Variants in VPS13D observed in about 807,000 individuals in gnomAD.
The protein encoded by VPS13D is intermembrane lipid transfer protein VPS13D.
In VPS13D, 187 loss-of-function variants were observed where a neutral mutation model predicts 461.9. The observed-to-expected ratio is 0.40, with a 90% CI of 0.36 to 0.46. VPS13D has a LOEUF of 0.46. Among genes scored for constraint, VPS13D ranks in the 20% least tolerant of loss-of-function variants. The probability of loss-of-function intolerance (pLI) is 0.60; values close to 1 mark genes in which losing one functional copy is unlikely to be tolerated. For synonymous variants in VPS13D, 1,951 were observed against 1,986.3 expected (o/e 0.98, Z 0.47); for missense variants, 4,711 against 5,364.9 (o/e 0.88, Z 3.81).
At chr1:12,394,100 G>A (rs1326697376) in intron 60 of VPS13D, among the ~76,000 whole-genome samples, 1 of 152,162 alleles carries the variant, frequency 6.6e-6, no homozygotes, top group Non-Finnish European at 1.5e-5. Flanking sequence ...ATGGGAGAAA[G>A]ATTCACTGCG....
At chr1:12,357,483 C>G (rs533255093) in intron 49 of VPS13D, among the ~76,000 whole-genome samples, 1 of 152,350 alleles carries the variant, frequency 6.6e-6, no homozygotes, top group Non-Finnish European at 1.5e-5. Flanking sequence ...TTCCACAGTT[C>G]CCAAAGCATT....
chr1:12,355,660 G>T (rs1199596958), intron 47 of VPS13D, among the ~76,000 whole-genome samples: 1 of 151,930 alleles, frequency 6.6e-6, no homozygotes, highest in African/African-American at 2.4e-5. Flanking sequence ...AATCATATGG[G>T]TTAGGATATC....
chr1:12,413,088 G>A (rs1265034617), intron 63 of VPS13D, among the ~76,000 whole-genome samples: 1 of 152,114 alleles, frequency 6.6e-6, no homozygotes, highest in Admixed American at 6.5e-5. Context: ...CTACGCTGAG[G>A]TACCATTACA....
Position 12,288,247 on chromosome 1 carries a change from A to G in VPS13D, c.5659A>G (p.Asn1887Asp). The part of the protein sequence containing the change: ...LKVHSLSLVL[N>D]KTTSELAKAN... ...GGTTCATTCACTTTCTCTAGTGCTGAATAAGACCACCAGTGAGCTTGCCAA... is the reference window on the plus strand; with the variant it reads ...GGTTCATTCACTTTCTCTAGTGCTGGATAAGACCACCAGTGAGCTTGCCAA... Residue 1887 changes from asparagine (N) to aspartate (D), a missense_variant, in exon 22 of 70, where the codon AAT becomes GAT. Transcript: ENST00000620676. The G allele has an allele frequency of 6.2e-7, 1 of 1,614,066 alleles. No homozygotes were observed. The highest frequency in any genetic ancestry group is 1.1e-5 in the South Asian group (1 of 91,052).
intron 65 of VPS13D, among the ~76,000 whole-genome samples, chr1:12,444,081 G>T (rs1005563593): frequency 2.0e-5 from 3 of 152,066 alleles, no homozygotes; most frequent in Admixed American, 2.0e-4. Context: ...CTGACCTCAG[G>T]TGATCCGCCC....
chr1:12,244,791 A>G (rs1422947589), intron 5 of VPS13D, among the ~76,000 whole-genome samples, 174 bp downstream of exon 5: 1 of 152,194 alleles, frequency 6.6e-6, no homozygotes, highest in Non-Finnish European at 1.5e-5. Flanking sequence ...AAACCTGACA[A>G]GCAAGTCCTA....
intron 68 of VPS13D, chr1:12,500,067 C>A (rs746570027): frequency 1.0e-5 from 10 of 985,292 alleles, no homozygotes; most frequent in Non-Finnish European, 9.6e-6. Context: ...TGTTTCACTT[C>A]TGGAAAATAT....
intron 2 of VPS13D, among the ~76,000 whole-genome samples, chr1:12,239,622 T>TA (rs1376198391): frequency 4.6e-5 from 7 of 152,328 alleles, no homozygotes; most frequent in Admixed American, 4.6e-4. Context: ...GGGCCTATCG[T>TA]ATATTTGTAA....
intron 40 of VPS13D, among the ~76,000 whole-genome samples, chr1:12,340,442 AC>A (rs1643544089): frequency 6.6e-6 from 1 of 152,140 alleles, no homozygotes; most frequent in Non-Finnish European, 1.5e-5. Flanking sequence ...TACAGTACTA[AC>A]CTTTCAAAAC....
At chr1:12,395,437 C>T (rs902443444) in intron 60 of VPS13D, among the ~76,000 whole-genome samples, 6 of 152,110 alleles carry the variant, frequency 3.9e-5, no homozygotes, top group African/African-American at 1.2e-4. Flanking sequence ...CATCTTTCGG[C>T]GTGCATCTTT....
chr1:12,234,481 G>A, intron 2 of VPS13D, 118 bp downstream of exon 2: 1 of 686,638 alleles, frequency 1.5e-6, no homozygotes, highest in Admixed American at 2.9e-5. Flanking sequence ...CTAAATGTAT[G>A]TAAAAAGGTC....
chr1:12,450,227 G>A (rs748544576), intron 65 of VPS13D, among the ~76,000 whole-genome samples: 3 of 152,148 alleles, frequency 2.0e-5, no homozygotes, highest in Non-Finnish European at 4.4e-5. Flanking sequence ...TGCGTGTTTG[G>A]TAACTGTCAG....
intron 54 of VPS13D, among the ~76,000 whole-genome samples, chr1:12,370,830 A>T (rs1023051722): frequency 3.9e-5 from 6 of 152,190 alleles, no homozygotes; most frequent in Non-Finnish European, 1.5e-5. Flanking sequence ...TAAGCTCTTT[A>T]ACTGAAGAAT....
intron 27 of VPS13D, among the ~76,000 whole-genome samples, chr1:12,309,207 T>C (rs543740075): frequency 1.3e-5 from 2 of 151,466 alleles, no homozygotes; most frequent in Non-Finnish European, 2.9e-5. Context: ...TTTGATCTTT[T>C]TTTTCTTTTT....
chr1:12,335,589 A>G, intron 38 of VPS13D, 116 bp from the exon 39 acceptor site: 1 of 1,325,344 alleles, frequency 7.5e-7, no homozygotes, highest in Non-Finnish European at 1.0e-6. Context: ...AATCTAGCAC[A>G]GGCCAGGCAT....
chr1:12,285,266 GTATTTATTTATTTATT>G (rs1243356647), intron 21 of VPS13D, among the ~76,000 whole-genome samples: 5 of 145,090 alleles, frequency 3.4e-5, no homozygotes, highest in Admixed American at 2.0e-4. Flanking sequence ...TTTATTTTAT[GTATTTATTTATTTATT>G]TATTTATTTA....
chr1:12,338,111 A>T, intron 39 of VPS13D, 120 bp from the exon 40 acceptor site: 1 of 849,848 alleles, frequency 1.2e-6, no homozygotes, highest in Non-Finnish European at 2.0e-6. Context: ...ATGACTCTGT[A>T]CTTGCATGAT....
At chr1:12,471,694 T>C (rs188226474) in intron 67 of VPS13D, among the ~76,000 whole-genome samples, 1 of 152,362 alleles carries the variant, frequency 6.6e-6, no homozygotes, top group African/African-American at 2.4e-5. Flanking sequence ...TACGTTATTA[T>C]GACTGTGTAA....
At chr1:12,261,325 T>C (rs560072346) in intron 12 of VPS13D, among the ~76,000 whole-genome samples, 176 bp downstream of exon 12, 224 of 152,352 alleles carry the variant, frequency 1.5e-3, no homozygotes, top group Non-Finnish European at 2.8e-3. Context: ...TGTGACTAAA[T>C]GTGCGTATTA....
Sources: allele counts gnomAD v4.1 joint callset (sites outside exome capture counted in the v4.1 genomes callset), GRCh38; gene constraint gnomAD v4.1.1; transcripts MANE v1.5; gene names NCBI Gene and HGNC (gene_info 2026-07-23, HGNC 2026-07-21).